CENPP: variants seen among roughly 807,000 people sequenced by gnomAD.
The protein encoded by CENPP is centromere protein P.
Under a neutral mutation model 35.6 loss-of-function variants are expected in CENPP, and 24 were observed. The ratio of observed to expected loss-of-function variants is 0.67; its 90% CI spans 0.49 to 0.95. CENPP has a LOEUF of 0.95. Among genes scored for constraint, CENPP ranks in the 40% least tolerant of loss-of-function variants. The pLI is 0.00. For missense variants in CENPP, 332 were observed against 345.3 expected, an observed-to-expected ratio of 0.96 and a Z score of 0.31; for synonymous variants, 120 against 125.5, an observed-to-expected ratio of 0.96 and a Z score of 0.29.
At chr9:92,539,630 T>A (rs1366952351) in intron 5 of CENPP, among the ~76,000 whole-genome samples, 1 of 152,014 alleles carries the variant, frequency 6.6e-6, no homozygotes, top group East Asian at 1.9e-4. Context: ...GTGGCTAGAT[T>A]GGTAGGAGGA....
intron 5 of CENPP, among the ~76,000 whole-genome samples, chr9:92,461,974 C>A (rs1279285650): frequency 3.3e-5 from 5 of 151,546 alleles, no homozygotes; most frequent in East Asian, 1.9e-4. Context: ...TTTATTCTTT[C>A]TTTTCTTTTC....
chr9:92,360,576 GATA>G (rs1422294212), intron 4 of CENPP, among the ~76,000 whole-genome samples: 9 of 151,832 alleles, frequency 5.9e-5, no homozygotes. Flanking sequence ...ATATAATAAT[GATA>G]ATAATAAAAC....
chr9:92,483,232 C>CTT (rs1380862828), intron 5 of CENPP, among the ~76,000 whole-genome samples: 45 of 142,870 alleles, frequency 3.1e-4, no homozygotes, highest in African/African-American at 1.0e-3. Flanking sequence ...GGACAGTTTT[C>CTT]TTTTTTTTTT....
At chr9:92,602,905 C>T (rs1048529546) in intron 5 of CENPP, among the ~76,000 whole-genome samples, 2 of 152,032 alleles carry the variant, frequency 1.3e-5, no homozygotes, top group African/African-American at 4.8e-5. Flanking sequence ...ATTCTCCTGC[C>T]TCAACCTCCC....
chr9:92,506,165 GA>G (rs1211802164), intron 5 of CENPP, among the ~76,000 whole-genome samples: 2 of 152,200 alleles, frequency 1.3e-5, no homozygotes, highest in African/African-American at 4.8e-5. Context: ...TTAATGCAAT[GA>G]ATGATTTCTT....
At chr9:92,368,407 T>C (rs1328525779) in intron 4 of CENPP, among the ~76,000 whole-genome samples, 3 of 152,262 alleles carry the variant, frequency 2.0e-5, no homozygotes, top group African/African-American at 7.2e-5. Flanking sequence ...ATACTCAGCC[T>C]GTATTCTAGC....
chr9:92,465,094 G>C (rs1368685795), intron 5 of CENPP: 1 of 1,070,244 alleles, frequency 9.3e-7, no homozygotes, highest in Non-Finnish European at 1.4e-6. Flanking sequence ...TCACAGTGCA[G>C]AGAGACACAT....
At position 92,616,198 on chromosome 9, in the gene CENPP, CTT is replaced by C. The variant is rs990666050; in HGVS notation, c.*3052_*3053del. ...TCTGCAAAGTTAGATAAATCAATCT[CTT>C]TTAAAAGAGAAGTGAATGGCCTCAC... On this transcript the variant is annotated 3_prime_UTR_variant, in exon 8 of 8. Coordinates refer to ENST00000375587, the MANE Select transcript of CENPP (RefSeq NM_001012267.3). 11 of 632,184 alleles carry C rather than the reference CTT, an allele frequency of 1.7e-5. No individual in the cohort carries two copies. Among genetic ancestry groups the C allele is most frequent in the Non-Finnish European group, 2.7e-5 (10 of 364,174 alleles). 39.2% of individuals were successfully genotyped at this position (632,184 alleles called of 1,614,324 possible).
chr9:92,578,170 G>A (rs1485877913), intron 5 of CENPP, among the ~76,000 whole-genome samples: 1 of 151,976 alleles, frequency 6.6e-6, no homozygotes, highest in Non-Finnish European at 1.5e-5. Context: ...TGGTGTATAT[G>A]TGCCACATTT....
In CENPP at chr9:92,363,851, T is replaced by C. The variant is rs10992318; in HGVS notation, c.468-15912T>C. On this transcript the variant is annotated intron_variant, in intron 4 of 7. Transcript: ENST00000375587. The stretch of plus-strand genomic sequence containing the variant: ...ATCCTATTGGGTTTTTTTTTTGTTT[T>C]GTTTTTGTTTTTTTTGAGATGAGGT... Among the ~76,000 whole-genome samples the C allele has an allele frequency of 2.7e-4, 41 of 152,232 alleles. No individual in the cohort carries two copies. In the East Asian group the frequency reaches 7.3e-3, roughly 27 times the overall value.
At chr9:92,360,240 G>A (rs1394216239) in intron 4 of CENPP, among the ~76,000 whole-genome samples, 1 of 152,066 alleles carries the variant, frequency 6.6e-6, no homozygotes, top group Non-Finnish European at 1.5e-5. Flanking sequence ...ATTTAGATTT[G>A]ATACTTTACC....
At chr9:92,432,517 A>G (rs909097123) in intron 5 of CENPP, among the ~76,000 whole-genome samples, 5 of 152,138 alleles carry the variant, frequency 3.3e-5, no homozygotes, top group Admixed American at 2.6e-4. Context: ...TCAATAAGCC[A>G]TGTGACAACA....
chr9:92,465,657 A>C (rs1456301953), intron 5 of CENPP, among the ~76,000 whole-genome samples: 1 of 152,214 alleles, frequency 6.6e-6, no homozygotes, highest in African/African-American at 2.4e-5. Flanking sequence ...CGATAATCTT[A>C]AAGCAGATAA....
At chr9:92,486,823 C>A (rs1165032643) in intron 5 of CENPP, among the ~76,000 whole-genome samples, 1 of 150,898 alleles carries the variant, frequency 6.6e-6, no homozygotes, top group Non-Finnish European at 1.5e-5. Context: ...GCTCTGTCAC[C>A]CAGGCTGGAG....
intron 5 of CENPP, among the ~76,000 whole-genome samples, chr9:92,475,659 C>T (rs1303302094): frequency 1.3e-5 from 2 of 152,356 alleles, no homozygotes; most frequent in Admixed American, 6.5e-5. Context: ...TAGACAACAT[C>T]TGGAATTTTT....
chr9:92,611,506 G>A (rs537610839), intron 6 of CENPP, 113 bp downstream of exon 6: 1 of 800,208 alleles, frequency 1.2e-6, no homozygotes, highest in East Asian at 2.7e-5. Flanking sequence ...AGAACTAAAG[G>A]TCGTCGGTTG....
intron 4 of CENPP, among the ~76,000 whole-genome samples, chr9:92,379,165 C>T (rs1030106834): frequency 1.3e-5 from 2 of 152,160 alleles, no homozygotes; most frequent in Non-Finnish European, 2.9e-5. Flanking sequence ...AATGCATAGA[C>T]GAAGGTCTGG....
chr9:92,455,544 G>A (rs1346468195), intron 5 of CENPP, among the ~76,000 whole-genome samples: 1 of 152,082 alleles, frequency 6.6e-6, no homozygotes, highest in African/African-American at 2.4e-5. Context: ...GGGAGCCAAA[G>A]TTGAGTAACT....
intron 5 of CENPP, among the ~76,000 whole-genome samples, chr9:92,381,715 C>G (rs1842250697): frequency 6.6e-6 from 1 of 152,160 alleles, no homozygotes. Flanking sequence ...GTTTGCACCT[C>G]TTTCAATTCT....
Sources: gnomAD v4.1 joint callset for allele counts (sites outside exome capture counted in the v4.1 genomes callset) on GRCh38, gnomAD v4.1.1 for gene constraint, MANE v1.5 for transcripts, NCBI Gene and HGNC (gene_info 2026-07-23, HGNC 2026-07-21) for gene names.